The following RGS12 variants were observed in gnomAD, a reference collection of about 807,000 sequenced individuals.
The protein encoded by RGS12 is regulator of G protein signaling 12.
A neutral mutation model predicts 120.1 loss-of-function variants in RGS12; 66 were observed. That is an observed-to-expected ratio of 0.55 (90% CI 0.45 to 0.67). The LOEUF is 0.67. RGS12 is among the 30% of genes least tolerant of loss of function. RGS12 has a pLI of 0.00. For missense variants in RGS12, 1,859 were observed against 1,957.7 expected (o/e 0.95, Z 0.95); for synonymous variants, 827 against 804.7 (o/e 1.03, Z -0.47).
Position 3,423,187 on chromosome 4 carries a change from G to A in RGS12, c.3107+209G>A, listed in dbSNP as rs528063409. Among the ~76,000 whole-genome samples, 9 of 152,292 alleles carry A rather than the reference G, an allele frequency of 5.9e-5. No homozygotes were observed. The South Asian group carries it at 1.0e-3, about 18-fold the overall frequency. ...AGAGGCGCCCTCTCCTCCCTGTCCC[G>A]TGAACAGGGACTGCCCTGGCCTGGT... On this transcript the variant is annotated intron_variant, in intron 12 of 17. Transcript: ENST00000336727.
Position 3,295,804 on chromosome 4 carries a change from C to G in RGS12, c.-102+2705C>G, listed in dbSNP as rs201655326. ...GCTTCAAGCACACAAAATCCTAAAG[C>G]CCAGACCATTTTACATTTTATTTGA... On this transcript the variant is annotated intron_variant, in intron 1 of 17. Coordinates refer to ENST00000336727, the MANE Select transcript of RGS12 (RefSeq NM_001394154.1). Among the ~76,000 whole-genome samples, 31 of 152,282 alleles carry G rather than the reference C, an allele frequency of 2.0e-4. No homozygotes were observed. The South Asian group carries it at 3.5e-3, about 17-fold the overall frequency.
Position 3,365,563 on chromosome 4 carries a change from C to G in RGS12, c.1999-20853C>G, listed in dbSNP as rs112554141. ...GTCCGACCTAAGCCTTAGTGTGAGTCGGACACGGCCTTCTTGGCTGTTGGG... is the reference window on the plus strand; with the variant it reads ...GTCCGACCTAAGCCTTAGTGTGAGTGGGACACGGCCTTCTTGGCTGTTGGG... On this transcript the variant is annotated intron_variant, in intron 3 of 17. Coordinates refer to ENST00000336727, the MANE Select transcript of RGS12 (RefSeq NM_001394154.1). The surrounding 1 kb of genome is among the most constrained non-coding windows in gnomAD (Gnocchi z 4.0). Among the ~76,000 whole-genome samples the G allele has an allele frequency of 6.6e-6, 1 of 152,164 alleles. No homozygotes were observed. Among genetic ancestry groups the G allele is most frequent in the African/African-American group, 2.4e-5 (1 of 41,442 alleles).
chr4:3,334,502 G>A (rs1300188442), intron 2 of RGS12, among the ~76,000 whole-genome samples: 6 of 151,820 alleles, frequency 4.0e-5, no homozygotes, highest in Non-Finnish European at 4.4e-5. Flanking sequence ...TATCTTTGTC[G>A]AGTTTTGGTA....
chr4:3,289,349 C>T (rs574359694), upstream of RGS12, among the ~76,000 whole-genome samples: 6 of 151,996 alleles, frequency 3.9e-5, no homozygotes, highest in African/African-American at 1.2e-4. Flanking sequence ...ACCACAGGCA[C>T]GCACCACCAC....
intron 1 of RGS12, among the ~76,000 whole-genome samples, chr4:3,295,030 A>G (rs1723290956): frequency 2.6e-5 from 4 of 152,090 alleles, no homozygotes; most frequent in Non-Finnish European, 5.9e-5. Flanking sequence ...GAGGGAATCC[A>G]GGGTCAAGGG....
At chr4:3,420,746 A>G in intron 10 of RGS12, 28 bp downstream of exon 10, 1 of 1,590,498 alleles carries the variant, frequency 6.3e-7, no homozygotes, top group South Asian at 1.1e-5. Flanking sequence ...CTCGTCCCAC[A>G]GGCCTCAGGG....
intron 1 of RGS12, among the ~76,000 whole-genome samples, chr4:3,307,235 G>A (rs539761267): frequency 1.3e-4 from 20 of 152,316 alleles, no homozygotes; most frequent in Non-Finnish European, 2.5e-4. Context: ...CCTGGGATAC[G>A]GCCTTTGCCG....
At chr4:3,420,554 C>T in intron 9 of RGS12, 88 bp from the exon 10 acceptor site, 2 of 1,376,402 alleles carry the variant, frequency 1.5e-6, no homozygotes, top group Non-Finnish European at 2.1e-6. Flanking sequence ...CGTCTGTCTG[C>T]TCAGCCTAAA....
chr4:3,422,347 TC>T, intron 10 of RGS12, 28 bp from the exon 11 acceptor site: 4 of 1,591,542 alleles, frequency 2.5e-6, no homozygotes, highest in Non-Finnish European at 2.6e-6. Flanking sequence ...GCTGGTTCCC[TC>T]ACGGCTGCTT....
chr4:3,345,854 C>T (rs949100702), intron 3 of RGS12, among the ~76,000 whole-genome samples: 8 of 152,188 alleles, frequency 5.3e-5, no homozygotes, highest in Non-Finnish European at 8.8e-5. Context: ...TTGAATAAAT[C>T]AAATGACCAT....
intron 4 of RGS12, among the ~76,000 whole-genome samples, chr4:3,398,481 A>G (rs1720266452): frequency 6.6e-6 from 1 of 152,226 alleles, no homozygotes; most frequent in Non-Finnish European, 1.5e-5. Flanking sequence ...CAAACAAACA[A>G]ACAACAATAA....
At chr4:3,364,934 G>A (rs1296591005) in intron 3 of RGS12, among the ~76,000 whole-genome samples, 1 of 152,020 alleles carries the variant, frequency 6.6e-6, no homozygotes, top group Non-Finnish European at 1.5e-5. Context: ...GGCAGGGTGC[G>A]GGACCCAGAG....
chr4:3,395,362 C>T (rs1457124817), intron 4 of RGS12, among the ~76,000 whole-genome samples: 1 of 152,204 alleles, frequency 6.6e-6, no homozygotes, highest in East Asian at 1.9e-4. Flanking sequence ...GGCATCGTTC[C>T]TCCATTCTTC....
chr4:3,401,439 G>A (rs1296467505), intron 4 of RGS12, among the ~76,000 whole-genome samples: 1 of 152,200 alleles, frequency 6.6e-6, no homozygotes, highest in African/African-American at 2.4e-5. Flanking sequence ...GATGTGCCTC[G>A]CACTGTTTGT....
intron 13 of RGS12, among the ~76,000 whole-genome samples, chr4:3,424,370 C>G (rs566584141): frequency 6.6e-6 from 1 of 152,354 alleles, no homozygotes; most frequent in Admixed American, 6.5e-5. Context: ...CAAGAAGAAC[C>G]TATTAAATTA....
rs780233634 is a variant in RGS12 at position 3,439,686 on chromosome 4, C to T, written c.*2C>T. 5 of 1,500,562 alleles carry T rather than the reference C, an allele frequency of 3.3e-6. No homozygotes were observed. In the South Asian group the frequency reaches 5.4e-5, roughly 16 times the overall value. 93.0% of individuals were successfully genotyped at this position (1,500,562 alleles called of 1,614,324 possible). On this transcript the variant is annotated 3_prime_UTR_variant, in exon 18 of 18. Coordinates refer to ENST00000336727, the MANE Select transcript of RGS12 (RefSeq NM_001394154.1). The stretch of plus-strand genomic sequence containing the variant: ...GCTCACCACGCCACCTTCGTCTGAG[C>T]TGCCCTGGCCTGGCCAACTCTCCTG...
At chr4:3,396,474 A>G (rs975483648) in intron 4 of RGS12, among the ~76,000 whole-genome samples, 1 of 152,172 alleles carries the variant, frequency 6.6e-6, no homozygotes, top group African/African-American at 2.4e-5. Context: ...GGTAGGGGTA[A>G]GATTCATTTT....
In RGS12 at chr4:3,316,336, G is replaced by C. The variant is rs80169463; in HGVS notation, c.166G>C (p.Val56Leu). The change falls in exon 2 of 18, where the codon GTG becomes CTG. Residue 56 changes from valine (V) to leucine (L), a missense_variant. Around this residue, in one of 3 missense-constraint regions of RGS12, gnomAD observed 967 missense variants for 994.2 expected, o/e 0.97. Coordinates refer to ENST00000336727, the MANE Select transcript of RGS12 (RefSeq NM_001394154.1). ...CVMRGSPADF[V>L]GLRAGDQILA... ...CATGAGAGGGAGCCCTGCGGATTTC[G>C]TGGGCCTCCGAGCTGGAGACCAGAT... The C allele has an allele frequency of 6.2e-7, 1 of 1,610,464 alleles. No homozygotes were observed. Among genetic ancestry groups the C allele is most frequent in the Non-Finnish European group, 8.5e-7 (1 of 1,178,168 alleles).
chr4:3,347,327 T>C (rs1178648421), intron 3 of RGS12, among the ~76,000 whole-genome samples: 2 of 152,096 alleles, frequency 1.3e-5, no homozygotes, highest in East Asian at 1.9e-4. Flanking sequence ...GCCTGTATTC[T>C]CAGCTACTCG....
Sources: allele counts gnomAD v4.1 joint callset (sites outside exome capture counted in the v4.1 genomes callset), GRCh38; gene constraint gnomAD v4.1.1; regional missense constraint gnomAD v4.1.1; non-coding constraint Gnocchi (gnomAD v3.1); transcripts MANE v1.5; gene names NCBI Gene and HGNC (gene_info 2026-07-23, HGNC 2026-07-21).